The following SDK1 variants were observed in gnomAD, a reference collection of about 807,000 sequenced individuals.
SDK1 encodes protein sidekick-1.
SDK1 carries 157 observed loss-of-function variants against 245.5 expected under a neutral mutation model. The observed-to-expected ratio is 0.64, with a 90% CI of 0.56 to 0.73. The LOEUF (loss-of-function observed/expected upper bound fraction) is 0.73. Among genes scored for constraint, SDK1 ranks in the 30% least tolerant of loss-of-function variants. SDK1 has a pLI of 0.00. For missense variants in SDK1, 3,583 were observed against 3,002.3 expected (o/e 1.19, Z -4.52); for synonymous variants, 1,647 against 1,278.5 (o/e 1.29, Z -6.15).
At chr7:3,933,081 CTCT>C (rs1780035524) in intron 5 of SDK1, among the ~76,000 whole-genome samples, 1 of 150,714 alleles carries the variant, frequency 6.6e-6, no homozygotes, top group Non-Finnish European at 1.5e-5. Context: ...CACAAATCCT[CTCT>C]CCATCCTCCG....
chr7:4,134,367 T>A (rs1778905437), intron 28 of SDK1, among the ~76,000 whole-genome samples: 3 of 152,094 alleles, frequency 2.0e-5, no homozygotes, highest in Admixed American at 2.0e-4. Context: ...GAGAGGGAGC[T>A]ATGAGCCACA....
rs1778940142 is a variant in SDK1 at position 3,538,088 on chromosome 7, GC to G, written c.299-80990del. ...GTGGGAAGACATGACAGACCACGTG[GC>G]CTTAGTCCCCACATTATAAGGAATA... On this transcript the variant is annotated intron_variant, in intron 1 of 44. Transcript: ENST00000404826. Among the ~76,000 whole-genome samples the G allele has an allele frequency of 2.6e-5, 4 of 152,264 alleles. No homozygotes were observed. The South Asian group carries it at 8.3e-4, about 32-fold the overall frequency.
chr7:3,439,449 T>G (rs770755157), intron 1 of SDK1, among the ~76,000 whole-genome samples: 1 of 152,116 alleles, frequency 6.6e-6, no homozygotes, highest in Non-Finnish European at 1.5e-5. Context: ...TTAGATTGTT[T>G]CGGGTTTGGT....
At chr7:3,500,150 T>G (rs1782152726) in intron 1 of SDK1, among the ~76,000 whole-genome samples, 1 of 152,138 alleles carries the variant, frequency 6.6e-6, no homozygotes, top group Non-Finnish European at 1.5e-5. Flanking sequence ...CGAGTCACAT[T>G]GCCGAAATGT....
At chr7:3,739,502 G>C (rs1418962865) in intron 4 of SDK1, among the ~76,000 whole-genome samples, 2 of 152,102 alleles carry the variant, frequency 1.3e-5, no homozygotes, top group East Asian at 1.9e-4. Flanking sequence ...TTAGGATTGA[G>C]TAATTGCTAT....
intron 4 of SDK1, among the ~76,000 whole-genome samples, chr7:3,774,512 C>T (rs1289992695): frequency 1.3e-5 from 2 of 152,148 alleles, no homozygotes; most frequent in African/African-American, 2.4e-5. Flanking sequence ...CTCTATTATG[C>T]CAAGAGCTGA....
intron 4 of SDK1, among the ~76,000 whole-genome samples, chr7:3,694,887 A>G (rs1784531194): frequency 6.6e-6 from 1 of 152,212 alleles, no homozygotes; most frequent in Non-Finnish European, 1.5e-5. Flanking sequence ...GCTAACAAAC[A>G]CACGTACAAA....
chr7:3,377,387 C>T (rs1028597430), intron 1 of SDK1, among the ~76,000 whole-genome samples: 1 of 152,076 alleles, frequency 6.6e-6, no homozygotes, highest in Non-Finnish European at 1.5e-5. Context: ...TTCCAGCTGC[C>T]CCCTGCGCTA....
At chr7:3,700,376 A>T (rs1583320162) in intron 4 of SDK1, among the ~76,000 whole-genome samples, 1 of 152,218 alleles carries the variant, frequency 6.6e-6, no homozygotes, top group Non-Finnish European at 1.5e-5. Context: ...ACATTGTCAA[A>T]TGTAGTTCAC....
intron 4 of SDK1, among the ~76,000 whole-genome samples, chr7:3,790,322 G>T (rs1441736496): frequency 6.6e-6 from 1 of 152,154 alleles, no homozygotes. Context: ...TTAACACATG[G>T]TAAAGCCCCT....
intron 1 of SDK1, among the ~76,000 whole-genome samples, chr7:3,466,371 C>G (rs1319436744): frequency 4.0e-5 from 6 of 150,690 alleles, no homozygotes; most frequent in Non-Finnish European, 5.9e-5. Flanking sequence ...TGACATCAAG[C>G]CATGCTGGCT....
chr7:4,107,388 C>T (rs1783007676), intron 22 of SDK1, among the ~76,000 whole-genome samples: 1 of 152,148 alleles, frequency 6.6e-6, no homozygotes, highest in South Asian at 2.1e-4. Flanking sequence ...GCCACGTGCG[C>T]CCTGACTGCT....
In SDK1 at chr7:4,049,425, C is replaced by T. The variant is rs756683455; in HGVS notation, c.2680C>T (p.Pro894Ser). Residue 894 changes from proline to serine, a missense_variant, in exon 18 of 45, where the codon CCT (proline) becomes TCT (serine). Coordinates refer to ENST00000404826, the MANE Select transcript of SDK1 (RefSeq NM_152744.4). Reference protein sequence around the residue: ...TTIQFLWNPPPQQFINGINQG... With the variant: ...TTIQFLWNPPSQQFINGINQG... ...CATTCAGTTCCTGTGGAACCCTCCG[C>T]CTCAGCAGTTTATCAATGGCATCAA... 3 of 1,614,176 alleles carry T rather than the reference C, an allele frequency of 1.9e-6. No individual in the cohort carries two copies. In the South Asian group the frequency reaches 3.3e-5, roughly 18 times the overall value.
chr7:3,555,811 T>A (rs901102065), intron 1 of SDK1, among the ~76,000 whole-genome samples: 1 of 152,174 alleles, frequency 6.6e-6, no homozygotes, highest in Admixed American at 6.5e-5. Flanking sequence ...CAAACAGGTG[T>A]ATTAAACGTC....
At chr7:3,999,859 C>T (rs551397315) in intron 14 of SDK1, among the ~76,000 whole-genome samples, 1 of 152,306 alleles carries the variant, frequency 6.6e-6, no homozygotes, top group South Asian at 2.1e-4. Flanking sequence ...CTAGCAGCCT[C>T]GGGTGCATCA....
At chr7:4,120,648 A>C (rs535457136) in intron 25 of SDK1, among the ~76,000 whole-genome samples, 6 of 125,966 alleles carry the variant, frequency 4.8e-5, no homozygotes, top group African/African-American at 1.4e-4. Context: ...GTGGAGTCTC[A>C]CTCTGTCACC....
chr7:3,584,606 G>A (rs13230266), intron 1 of SDK1, among the ~76,000 whole-genome samples: 9,251 of 152,232 alleles, frequency 0.061, 310 homozygotes, highest in East Asian at 0.12. Flanking sequence ...CTGCTCCAAG[G>A]TATGCTGGCT....
intron 1 of SDK1, among the ~76,000 whole-genome samples, chr7:3,509,139 C>T (rs1307257796): frequency 1.3e-5 from 2 of 151,740 alleles, no homozygotes; most frequent in Admixed American, 6.6e-5. Flanking sequence ...ACACAGACAT[C>T]CATCCATCTT....
In SDK1 at chr7:4,079,554, G is replaced by C. The variant is rs377121090; in HGVS notation, c.3294G>C (p.Thr1098=). The change falls in exon 22 of 45, where the codon ACG becomes ACC. Residue 1098 remains threonine (T), a synonymous_variant. Coordinates refer to ENST00000404826, the MANE Select transcript of SDK1 (RefSeq NM_152744.4). ...TCCGGCCAGGCTATGACGGGAAAAC[G>C]TCCATCTCCAGGTGGATTGTTGAGG... is the stretch of plus-strand genomic sequence containing the variant. ...LQFRPGYDGK[T]SISRWIVEGQ... The C allele has an allele frequency of 1.1e-4, 171 of 1,614,200 alleles. 1 individual carries two copies. The Middle Eastern group carries it at 2.3e-3, about 22-fold the overall frequency.
Sources: allele counts gnomAD v4.1 joint callset (sites outside exome capture counted in the v4.1 genomes callset), GRCh38; gene constraint gnomAD v4.1.1; transcripts MANE v1.5; gene names NCBI Gene and HGNC (gene_info 2026-07-23, HGNC 2026-07-21).